DOCK8: variants seen among roughly 807,000 people sequenced by gnomAD.
DOCK8 encodes dedicator of cytokinesis 8.
In DOCK8, 141 loss-of-function variants were observed where a neutral mutation model predicts 245.6. The ratio of observed to expected loss-of-function variants is 0.57; its 90% CI spans 0.50 to 0.66. The LOEUF is 0.66. Ranked by LOEUF, DOCK8 falls within the 30% of genes least tolerant of loss-of-function variation. The probability of loss-of-function intolerance (pLI) is 0.00; values close to 1 mark genes in which losing one functional copy is unlikely to be tolerated. For synonymous variants in DOCK8, 1,168 were observed against 970.2 expected, an observed-to-expected ratio of 1.20 and a Z score of -3.79; for missense variants, 2,965 against 2,603.4, an observed-to-expected ratio of 1.14 and a Z score of -3.02.
intron 1 of DOCK8, among the ~76,000 whole-genome samples, chr9:259,837 T>G (rs2047872851): frequency 6.6e-6 from 1 of 152,268 alleles, no homozygotes; most frequent in Non-Finnish European, 1.5e-5. Context: ...CTGACCAGCT[T>G]GTCGAGAGCT....
chr9:355,012 A>G (rs1448670704), intron 14 of DOCK8, among the ~76,000 whole-genome samples: 1 of 152,140 alleles, frequency 6.6e-6, no homozygotes, highest in East Asian at 1.9e-4. Context: ...AGGAAGCAGA[A>G]TCATTGGTTA....
chr9:230,752 G>GT (rs1222503517), intron 1 of DOCK8, among the ~76,000 whole-genome samples: 1 of 151,848 alleles, frequency 6.6e-6, no homozygotes, highest in African/African-American at 2.4e-5. Flanking sequence ...GGGGTTGTTT[G>GT]TTTTTTTCTT....
At chr9:242,823 T>C (rs1285421752) in intron 1 of DOCK8, among the ~76,000 whole-genome samples, 4 of 151,768 alleles carry the variant, frequency 2.6e-5, no homozygotes, top group African/African-American at 9.7e-5. Flanking sequence ...TTTTTTTTTT[T>C]TCCATATGCC....
At chr9:311,686 T>C (rs2050119613) in intron 5 of DOCK8, among the ~76,000 whole-genome samples, 1 of 152,138 alleles carries the variant, frequency 6.6e-6, no homozygotes, top group Middle Eastern at 3.2e-3. Context: ...TGTAGTACTG[T>C]TTTTAGTCCT....
chr9:400,435 A>T (rs1300814887), intron 26 of DOCK8, among the ~76,000 whole-genome samples: 3 of 31,974 alleles, frequency 9.4e-5, no homozygotes, highest in Admixed American at 2.9e-4. Context: ...CATCACCACC[A>T]CCTCCACCAC....
At chr9:415,035 C>G in intron 29 of DOCK8, 84 bp downstream of exon 29, 2 of 1,551,462 alleles carry the variant, frequency 1.3e-6, no homozygotes, top group Non-Finnish European at 1.8e-6. Context: ...GTCATTCGTT[C>G]CAGTGCTGAT....
chr9:255,554 G>C (rs1328177511), intron 1 of DOCK8, among the ~76,000 whole-genome samples: 1 of 151,240 alleles, frequency 6.6e-6, no homozygotes, highest in African/African-American at 2.4e-5. Flanking sequence ...TGTTGTCCCA[G>C]CTACTCGAGA....
At chr9:325,284 A>G (rs934652144) in intron 7 of DOCK8, among the ~76,000 whole-genome samples, 1 of 152,210 alleles carries the variant, frequency 6.6e-6, no homozygotes, top group African/African-American at 2.4e-5. Flanking sequence ...CTATCTAGCA[A>G]TAAAATGTGA....
chr9:383,337 A>G (rs1456191643), intron 22 of DOCK8, among the ~76,000 whole-genome samples: 1 of 152,168 alleles, frequency 6.6e-6, no homozygotes, highest in Non-Finnish European at 1.5e-5. Flanking sequence ...GTTCGAGACC[A>G]GCCTGGCTGA....
chr9:285,056 A>G (rs2048757709), intron 2 of DOCK8, among the ~76,000 whole-genome samples: 1 of 152,116 alleles, frequency 6.6e-6, no homozygotes, highest in Non-Finnish European at 1.5e-5. Flanking sequence ...GACTTTAGCT[A>G]TGTAACAAAC....
At chr9:453,288 C>G (rs927169582) in intron 46 of DOCK8, among the ~76,000 whole-genome samples, 1 of 152,198 alleles carries the variant, frequency 6.6e-6, no homozygotes, top group Non-Finnish European at 1.5e-5. Context: ...CACAGATTAT[C>G]TTGATTAATG....
At chr9:287,513 C>G (rs1252034737) in intron 3 of DOCK8, among the ~76,000 whole-genome samples, 1 of 152,212 alleles carries the variant, frequency 6.6e-6, no homozygotes, top group Admixed American at 6.5e-5. Context: ...CCCCTGCCCT[C>G]TTTACTCTGA....
At chr9:392,094 C>T (rs1307210120) in intron 24 of DOCK8, among the ~76,000 whole-genome samples, 4 of 148,666 alleles carry the variant, frequency 2.7e-5, no homozygotes, top group Admixed American at 6.7e-5. Context: ...GCTGAGATTG[C>T]GCCATTGCAC....
At chr9:376,441 T>C (rs1009111645) in intron 19 of DOCK8, 136 bp downstream of exon 19, 18 of 741,778 alleles carry the variant, frequency 2.4e-5, no homozygotes, top group Non-Finnish European at 4.3e-5. Context: ...TGTGGGGACA[T>C]GCAAACCTCT....
At chr9:459,678 C>G (rs1379808884) in intron 46 of DOCK8, 1 of 152,230 alleles carries the variant, frequency 6.6e-6, no homozygotes, top group Non-Finnish European at 1.5e-5. Flanking sequence ...CCTGGAGTCT[C>G]TCAGTTGCAC....
intron 8 of DOCK8, among the ~76,000 whole-genome samples, chr9:326,203 C>A (rs1230265150): frequency 6.6e-6 from 1 of 152,164 alleles, no homozygotes; most frequent in African/African-American, 2.4e-5. Context: ...ACCAAGACCT[C>A]TCGTGTGTTT....
intron 4 of DOCK8, 150 bp from the exon 5 acceptor site, chr9:304,431 A>T: frequency 1.9e-6 from 2 of 1,062,144 alleles, no homozygotes; most frequent in East Asian, 2.5e-5. Flanking sequence ...CCTGGAGAAT[A>T]ATTAAATGTG....
At chr9:245,356 C>A (rs2047483308) in intron 1 of DOCK8, among the ~76,000 whole-genome samples, 2 of 152,122 alleles carry the variant, frequency 1.3e-5, no homozygotes, top group African/African-American at 4.8e-5. Flanking sequence ...AGGCAAGCAC[C>A]ACCATGCCTG....
At chr9:440,668 A>C (rs1041937137) in intron 40 of DOCK8, among the ~76,000 whole-genome samples, 1 of 152,168 alleles carries the variant, frequency 6.6e-6, no homozygotes, top group African/African-American at 2.4e-5. Context: ...ATATACTAAA[A>C]CTGCCTTTCT....
Sources: gnomAD v4.1 joint callset for allele counts (sites outside exome capture counted in the v4.1 genomes callset) on GRCh38, gnomAD v4.1.1 for gene constraint, MANE v1.5 for transcripts, NCBI Gene and HGNC (gene_info 2026-07-23, HGNC 2026-07-21) for gene names.